CSF2RA: variants seen among roughly 807,000 people sequenced by gnomAD.
CSF2RA encodes the protein granulocyte-macrophage colony-stimulating factor receptor subunit alpha.
A neutral mutation model predicts 51.6 loss-of-function variants in CSF2RA; 42 were observed. The ratio of observed to expected loss-of-function variants is 0.81; its 90% CI spans 0.64 to 1.05. The LOEUF is 1.05. CSF2RA is among the 50% of genes least tolerant of loss of function. The probability of loss-of-function intolerance (pLI) is 0.00; values close to 1 mark genes in which losing one functional copy is unlikely to be tolerated. For missense variants in CSF2RA, 530 were observed against 501.1 expected (o/e 1.06, Z -0.55); for synonymous variants, 222 against 193.0 (o/e 1.15, Z -1.24).
the CSF2RA span, among the ~76,000 whole-genome samples, chrX:1,322,868 G>A: frequency 2.0e-5 from 3 of 151,982 alleles, no homozygotes; most frequent in African/African-American, 4.8e-5. Context: ...GGTGGCTCAC[G>A]CCTGTAATCC....
rs1467836447 is a variant in CSF2RA at position 1,294,465 on chromosome X, G to A, written c.780+4G>A. The A allele has an allele frequency of 1.4e-5, 23 of 1,613,652 alleles. No individual in the cohort carries two copies. Among genetic ancestry groups the A allele is most frequent in the South Asian group, 5.5e-5 (5 of 91,064 alleles). On this transcript the variant is annotated splice_donor_region_variant and intron_variant, in intron 8 of 12. Transcript: ENST00000381529. ...CCAGCTGGACGTCCACAGAAAGGTC[G>A]GTGAGAGCTCCCCGGGGCTGGGCAC...
At chrX:1,314,505 AACCGC>A (rs1375053043), downstream of CSF2RA, among the ~76,000 whole-genome samples, 1,250 of 141,150 alleles carry the variant, frequency 8.9e-3, 273 homozygotes, top group South Asian at 0.023. Context: ...GTGCCTGCCC[AACCGC>A]ACTGCACCTG....
At chrX:1,316,505 C>T in the CSF2RA span, among the ~76,000 whole-genome samples, 1 of 149,576 alleles carries the variant, frequency 6.7e-6, no homozygotes, top group Admixed American at 6.6e-5. Context: ...ACCCTCCAGC[C>T]AAGACCCAAG....
rs760927667 is a variant in CSF2RA, at chrX:1,309,079, T to C, written c.1126-323T>C. Among the ~76,000 whole-genome samples, 27 of 151,984 alleles carry C rather than the reference T, an allele frequency of 1.8e-4. No homozygotes were observed. In the South Asian group the frequency reaches 5.4e-3, roughly 30 times the overall value. ...CCCCATCTCCACTGAAAGTACAAAA[T>C]TTAGCTGGTGGCGGCTAAAGGGGGA... On this transcript the variant is annotated intron_variant, in intron 12 of 12. Coordinates refer to ENST00000381529, the MANE Select transcript of CSF2RA (RefSeq NM_172245.4).
At chrX:1,312,637 C>T (rs1190531136), downstream of CSF2RA, among the ~76,000 whole-genome samples, 1 of 152,078 alleles carries the variant, frequency 6.6e-6, no homozygotes, top group African/African-American at 2.4e-5. Flanking sequence ...CCACAGATAC[C>T]GAAACATCAA....
At chrX:1,321,668 G>T in the CSF2RA span, among the ~76,000 whole-genome samples, 26 of 152,092 alleles carry the variant, frequency 1.7e-4, no homozygotes, top group East Asian at 4.4e-3. Context: ...CTTAAAATGC[G>T]AGCAACGTGG....
the CSF2RA span, among the ~76,000 whole-genome samples, chrX:1,318,659 T>G: frequency 6.6e-6 from 1 of 151,086 alleles, no homozygotes; most frequent in African/African-American, 2.4e-5. Flanking sequence ...GGCTCACGCC[T>G]GTAATCCCAA....
chrX:1,274,995 G>T (rs190295503), intron 2 of CSF2RA, among the ~76,000 whole-genome samples, 177 bp downstream of exon 2: 120 of 150,614 alleles, frequency 8.0e-4, no homozygotes, highest in Non-Finnish European at 1.4e-3. Context: ...AACATGTCAC[G>T]TTCCCTCTGA....
chrX:1,293,984 G>C (rs1159749157), intron 7 of CSF2RA: 1 of 289,886 alleles, frequency 3.4e-6, no homozygotes, highest in Admixed American at 4.2e-5. Flanking sequence ...TGGACCCAGT[G>C]TAGATGGGAG....
intron 1 of CSF2RA, among the ~76,000 whole-genome samples, chrX:1,269,273 C>T (rs2088016418): frequency 6.6e-6 from 1 of 152,020 alleles, no homozygotes; most frequent in Admixed American, 6.6e-5. Context: ...TAGTATCTAG[C>T]ACGGAATTAT....
intron 4 of CSF2RA, 137 bp downstream of exon 4, chrX:1,286,057 G>C: frequency 3.4e-6 from 3 of 886,758 alleles, no homozygotes; most frequent in Non-Finnish European, 5.6e-6. Flanking sequence ...CGGATCACCT[G>C]AGGTCGGGAG....
Position 1,309,411 on chromosome X carries a change from GA to G in CSF2RA, c.1136del (p.Glu379GlyfsTer16). ...CCCTCCTTTTTCTCAGATCATCTGG[GA>G]GGAATTCACCCCAGAGGAAGGGAAA... ...NHEVEDEIIW[E>X]EFTPEEGKGY... On this transcript the variant is annotated frameshift_variant, in exon 13 of 13. Transcript: ENST00000381529. LOFTEE classifies it high-confidence loss of function. 1 of 1,613,934 alleles carries G rather than the reference GA, an allele frequency of 6.2e-7. No homozygotes were observed. Among genetic ancestry groups the G allele is most frequent in the African/African-American group, 1.3e-5 (1 of 75,038 alleles).
At chrX:1,282,520 T>C in intron 2 of CSF2RA, 158 bp from the exon 3 acceptor site, 1 of 701,550 alleles carries the variant, frequency 1.4e-6, no homozygotes. Flanking sequence ...ATAATGGCCC[T>C]GCAGACCTTC....
At chrX:1,292,552 A>G (rs1383053584) in intron 7 of CSF2RA, among the ~76,000 whole-genome samples, 1 of 152,096 alleles carries the variant, frequency 6.6e-6, no homozygotes, top group African/African-American at 2.4e-5. Flanking sequence ...ATATGAGCAA[A>G]GGAATCTGTG....
chrX:1,286,389 T>G (rs2090660036), intron 4 of CSF2RA, among the ~76,000 whole-genome samples: 1 of 151,914 alleles, frequency 6.6e-6, no homozygotes, highest in Admixed American at 6.6e-5. Flanking sequence ...ACCAACATGG[T>G]GAAACCCCAT....
At chrX:1,291,282 C>CT (rs1472604486) in intron 7 of CSF2RA, among the ~76,000 whole-genome samples, 3 of 59,540 alleles carry the variant, frequency 5.0e-5, no homozygotes, top group African/African-American at 1.9e-4. Context: ...CTTCTTTTTT[C>CT]TTCCTTCCTT....
intron 3 of CSF2RA, 147 bp from the exon 4 acceptor site, chrX:1,285,624 GGTGGAGC>G: frequency 1.3e-6 from 1 of 774,364 alleles, no homozygotes; most frequent in Non-Finnish European, 1.9e-6. Context: ...GAACCCGGGT[GGTGGAGC>G]TTGCAGCTTG....
chrX:1,295,299 C>T (rs1395179117), intron 8 of CSF2RA, 128 bp from the exon 9 acceptor site: 21 of 1,186,548 alleles, frequency 1.8e-5, no homozygotes, highest in Non-Finnish European at 2.5e-5. Context: ...GGAGGGAGAC[C>T]TGCCTGCCAC....
rs148417645 is a variant in CSF2RA at position 1,282,376 on chromosome X, C to G, written c.-26-302C>G. On this transcript the variant is annotated intron_variant, in intron 2 of 12. Coordinates refer to ENST00000381529, the MANE Select transcript of CSF2RA (RefSeq NM_172245.4). Reference sequence around the variant, plus strand: ...TTTCCTTGAAGTGTGTTAGAACCTGCCTTTAGTGTCAGCTATGGGTTCCCT... The same window carrying G: ...TTTCCTTGAAGTGTGTTAGAACCTGGCTTTAGTGTCAGCTATGGGTTCCCT... The G allele has an allele frequency of 1.0e-3, 509 of 498,378 alleles. 1 individual carries two copies. The highest frequency in any genetic ancestry group is 8.7e-3 in the African/African-American group (452 of 52,156). 30.9% of individuals were successfully genotyped at this position (498,378 alleles called of 1,614,324 possible).
Sources: allele counts gnomAD v4.1 joint callset (sites outside exome capture counted in the v4.1 genomes callset), GRCh38; gene constraint gnomAD v4.1.1; transcripts MANE v1.5; gene names NCBI Gene and HGNC (gene_info 2026-07-23, HGNC 2026-07-21).